WDR19: variants seen among roughly 807,000 people sequenced by gnomAD.
WDR19 encodes WD repeat-containing protein 19.
In WDR19, 121 loss-of-function variants were observed where a neutral mutation model predicts 180.0. That is an observed-to-expected ratio of 0.67 (90% CI 0.58 to 0.78). The LOEUF is 0.78. Among genes scored for constraint, WDR19 ranks in the 30% least tolerant of loss-of-function variants. WDR19 has a pLI of 0.00. For missense variants in WDR19, 1,450 were observed against 1,640.7 expected, an observed-to-expected ratio of 0.88 and a Z score of 2.01; for synonymous variants, 497 against 540.7, an observed-to-expected ratio of 0.92 and a Z score of 1.12.
At chr4:39,252,998 C>A in intron 24 of WDR19, 148 bp from the exon 25 acceptor site, 1 of 664,908 alleles carries the variant, frequency 1.5e-6, no homozygotes, top group Non-Finnish European at 2.3e-6. Flanking sequence ...GGGATGGTTC[C>A]TGGTATTTTT....
At position 39,209,605 on chromosome 4, in the gene WDR19, G is replaced by A. The variant is rs373512664; in HGVS notation, c.890+3869G>A. On this transcript the variant is annotated intron_variant, in intron 9 of 36. Coordinates refer to ENST00000399820, the MANE Select transcript of WDR19 (RefSeq NM_025132.4). ...TGCATGCCTATAATCCCAGCTACTCGGGAGGCTGAGGCAGGAGAATCGCTT... is the reference window on the plus strand; with the variant it reads ...TGCATGCCTATAATCCCAGCTACTCAGGAGGCTGAGGCAGGAGAATCGCTT... Among the ~76,000 whole-genome samples, 7 of 151,704 alleles carry A rather than the reference G, an allele frequency of 4.6e-5. No homozygotes were observed. In the East Asian group the frequency reaches 5.8e-4, roughly 13 times the overall value.
intron 1 of WDR19, among the ~76,000 whole-genome samples, chr4:39,183,789 T>C (rs1281127600): frequency 6.6e-6 from 1 of 152,166 alleles, no homozygotes; most frequent in East Asian, 1.9e-4. Flanking sequence ...ACAAACAAAA[T>C]TTAAGTCTTG....
chr4:39,244,630 G>A, intron 23 of WDR19, 78 bp downstream of exon 23: 1 of 1,496,302 alleles, frequency 6.7e-7, no homozygotes, highest in Non-Finnish European at 9.3e-7. Flanking sequence ...TTGCCTCCTT[G>A]CCATGCTTTC....
At chr4:39,214,122 G>C (rs1728818109) in intron 9 of WDR19, among the ~76,000 whole-genome samples, 1 of 152,070 alleles carries the variant, frequency 6.6e-6, no homozygotes, top group Non-Finnish European at 1.5e-5. Context: ...ATTTTTCAGA[G>C]CTTTCAACCT....
At chr4:39,202,853 G>T (rs996704624) in intron 6 of WDR19, among the ~76,000 whole-genome samples, 1 of 151,412 alleles carries the variant, frequency 6.6e-6, no homozygotes, top group African/African-American at 2.4e-5. Context: ...GTTTCTTTAC[G>T]AGTTTTGTAA....
intron 10 of WDR19, 102 bp downstream of exon 10, chr4:39,214,773 A>ATTTT: frequency 6.0e-6 from 3 of 504,166 alleles, no homozygotes; most frequent in Admixed American, 3.9e-5. Flanking sequence ...AGGAGGAATA[A>ATTTT]TTTTTTTTTT....
chr4:39,208,393 G>A (rs1209555342), intron 9 of WDR19, among the ~76,000 whole-genome samples: 2 of 142,012 alleles, frequency 1.4e-5, no homozygotes, highest in South Asian at 2.5e-4. Flanking sequence ...TGCAACCTCC[G>A]CCTCCCAAGT....
At chr4:39,188,974 G>A (rs1725868902) in intron 3 of WDR19, among the ~76,000 whole-genome samples, 1 of 151,756 alleles carries the variant, frequency 6.6e-6, no homozygotes, top group Non-Finnish European at 1.5e-5. Flanking sequence ...TCAGGCTGGA[G>A]TGCAGTGGCG....
rs1207013785 is a variant in WDR19 at position 39,218,105 on chromosome 4, T to C, written c.1479T>C (p.Asp493=). The part of the protein sequence containing the change: ...LTSDFLIYGT[D]TGVVQYFYIE... ...GTGATTTCCTCATCTATGGTACAGA[T>C]GTATGTATTGCCTTCTTTTTTAGAG... Residue 493 remains aspartate (D), a splice_region_variant and synonymous_variant, in exon 14 of 37, where the codon GAT becomes GAC. Transcript: ENST00000399820. The C allele has an allele frequency of 3.1e-6, 5 of 1,607,744 alleles. No individual in the cohort carries two copies. The highest frequency in any genetic ancestry group is 4.2e-6 in the Non-Finnish European group (5 of 1,177,098).
intron 9 of WDR19, among the ~76,000 whole-genome samples, chr4:39,207,232 T>C (rs1190272972): frequency 6.6e-6 from 1 of 151,598 alleles, no homozygotes; most frequent in African/African-American, 2.4e-5. Context: ...AAATAAAGAG[T>C]CAGTGAACTT....
chr4:39,228,489 C>T lies in WDR19; in HGVS notation c.1781C>T (p.Ala594Val), dbSNP rs1560514497. ...YVFHKDTIQG[A>V]KVILAGSTKV... is the part of the protein sequence containing the mutation. ...CGATGTCTGTTTTATAATGTAGGAG[C>T]CAAGGTTATTTTGGCTGGTAGCACC... Residue 594 changes from alanine (A) to valine (V), a missense_variant, in exon 17 of 37, where the codon GCC becomes GTC. Coordinates refer to ENST00000399820, the MANE Select transcript of WDR19 (RefSeq NM_025132.4). 6.2e-7 allele frequency: 1 copy of T among 1,613,654 alleles called. No individual in the cohort carries two copies. The highest frequency in any genetic ancestry group is 8.5e-7 in the Non-Finnish European group (1 of 1,179,750).
intron 17 of WDR19, 68 bp downstream of exon 17, chr4:39,228,758 A>G (rs918814799): frequency 4.8e-5 from 68 of 1,428,608 alleles, no homozygotes; most frequent in Non-Finnish European, 5.7e-5. Flanking sequence ...CAAATCCTAT[A>G]ATTATTCTAT....
At chr4:39,194,705 C>T in intron 5 of WDR19, 46 bp downstream of exon 5, 4 of 1,420,240 alleles carry the variant, frequency 2.8e-6, no homozygotes, top group Non-Finnish European at 3.9e-6. Context: ...GATGCTCTAC[C>T]TCAATGTAAA....
intron 30 of WDR19, among the ~76,000 whole-genome samples, chr4:39,268,547 C>T (rs990339345): frequency 6.6e-6 from 1 of 152,208 alleles, no homozygotes; most frequent in African/African-American, 2.4e-5. Flanking sequence ...GATGGTTCTG[C>T]TCACATGTGC....
rs1243503096 is a variant in WDR19 at position 39,185,703 on chromosome 4, T to TTGAA, written c.7-23_7-22insTGAA. The TTGAA allele has an allele frequency of 7.1e-6, 11 of 1,547,578 alleles. No individual in the cohort carries two copies. In the Middle Eastern group the frequency reaches 1.0e-3, roughly 142 times the overall value. On this transcript the variant is annotated intron_variant, in intron 1 of 36. Coordinates refer to ENST00000399820, the MANE Select transcript of WDR19 (RefSeq NM_025132.4). Reference sequence around the variant, plus strand: ...ACTTGATTGTATGTTTTGAAAATATTAAAAATTGTGTTTATTTTTTAGCGT... The same window carrying TTGAA: ...ACTTGATTGTATGTTTTGAAAATATTTGAAAAAAATTGTGTTTATTTTTTAGCGT...
chr4:39,203,859 G>A, intron 7 of WDR19, 137 bp downstream of exon 7: 9 of 826,130 alleles, frequency 1.1e-5, no homozygotes, highest in Non-Finnish European at 1.8e-5. Context: ...GGTAGAGCTA[G>A]GTCTTTTAGT....
Position 39,273,013 on chromosome 4 carries a change from G to A in WDR19, c.3517G>A (p.Ala1173Thr), listed in dbSNP as rs1735526119. The stretch of plus-strand genomic sequence containing the variant: ...TAAAAATGGAGATCACATGAAAGGG[G>A]CTCGCATGCTCATTCGGGTGGCCAA... ...HVKNGDHMKG[A>T]RMLIRVANNI... The change falls in exon 32 of 37, where the codon GCT (alanine) becomes ACT (threonine). Residue 1173 changes from alanine (A) to threonine (T), a missense_variant. Ala to Thr is a moderately conservative substitution (Grantham distance 58). Transcript: ENST00000399820. 4 of 1,604,450 alleles carry A rather than the reference G, an allele frequency of 2.5e-6. No individual in the cohort carries two copies. The highest frequency in any genetic ancestry group is 3.4e-6 in the Non-Finnish European group (4 of 1,176,028).
intron 33 of WDR19, among the ~76,000 whole-genome samples, chr4:39,275,598 A>G (rs910691197): frequency 3.9e-5 from 6 of 152,140 alleles, no homozygotes; most frequent in African/African-American, 1.4e-4. Context: ...TCCTCGTTCC[A>G]GGCAGGAAGA....
intron 36 of WDR19, among the ~76,000 whole-genome samples, chr4:39,281,234 T>TAGAGAGAGAGAGAGAG (rs1189043858): frequency 4.7e-3 from 508 of 108,106 alleles, no homozygotes; most frequent in Middle Eastern, 8.2e-3. Context: ...TATATATATA[T>TAGAGAGAGAGAGAGAG]ATAGAGAGAG....
Sources: allele counts gnomAD v4.1 joint callset (sites outside exome capture counted in the v4.1 genomes callset), GRCh38; gene constraint gnomAD v4.1.1; transcripts MANE v1.5; gene names NCBI Gene and HGNC (gene_info 2026-07-23, HGNC 2026-07-21).